The following BLNK variants were observed in gnomAD, a reference collection of about 807,000 sequenced individuals.
BLNK encodes B-cell linker protein.
In BLNK, 29 loss-of-function variants were observed where a neutral mutation model predicts 73.5. That is an observed-to-expected ratio of 0.39 (90% CI 0.29 to 0.54). BLNK has a LOEUF of 0.54. Among genes scored for constraint, BLNK ranks in the 20% least tolerant of loss-of-function variants. The probability of loss-of-function intolerance (pLI) is 0.61; values close to 1 mark genes in which losing one functional copy is unlikely to be tolerated. For missense variants in BLNK, 460 were observed against 562.8 expected, an observed-to-expected ratio of 0.82 and a Z score of 1.85; for synonymous variants, 176 against 200.8, an observed-to-expected ratio of 0.88 and a Z score of 1.04.
rs1351889753 is a variant in BLNK, at chr10:96,228,745, G to A, written c.205-1179C>T. 2.6e-5 allele frequency among the ~76,000 whole-genome samples: 4 copies of A among 152,274 alleles called. 1 individual carries two copies. In the South Asian group the frequency reaches 6.2e-4, roughly 24 times the overall value. ...TTCAGAGGTAGTTTATGTATATACC[G>A]TTTGTACATATATTCATGTGGAGGA... On this transcript the variant is annotated intron_variant, in intron 4 of 16. Transcript: ENST00000224337.
In BLNK at chr10:96,252,176, C is replaced by T. The variant is rs1452912482; in HGVS notation, c.48-5127G>A. On this transcript the variant is annotated intron_variant, in intron 1 of 16. Transcript: ENST00000224337. ...AAGCGATTCTCCTGCCTCAGCCTCC[C>T]GAGTAGCTGAGAATACAGGCACCTG... is the stretch of plus-strand genomic sequence containing the variant. Among the ~76,000 whole-genome samples, 6 of 152,128 alleles carry T rather than the reference C, an allele frequency of 3.9e-5. 1 individual carries two copies. In the East Asian group the frequency reaches 9.6e-4, roughly 24 times the overall value.
intron 8 of BLNK, among the ~76,000 whole-genome samples, chr10:96,213,703 A>G (rs1466235260): frequency 6.6e-6 from 1 of 152,172 alleles, no homozygotes; most frequent in Non-Finnish European, 1.5e-5. Context: ...TTAGTAATCT[A>G]TTTCTCTAAA....
intron 3 of BLNK, among the ~76,000 whole-genome samples, chr10:96,241,264 C>T (rs73324938): frequency 0.06 from 9,164 of 152,206 alleles, 567 homozygotes; most frequent in African/African-American, 0.16. Flanking sequence ...AGGCTGTTGC[C>T]CTGTTGAGAA....
In BLNK at chr10:96,254,380, AC is replaced by A. The variant is rs569807012; in HGVS notation, c.48-7332del. ...CACCTTTACCTGGACTCAGATTAATACAAGTCGGGCACAGTGATGCTTCCAG... is the reference window on the plus strand; with the variant it reads ...CACCTTTACCTGGACTCAGATTAATAAAGTCGGGCACAGTGATGCTTCCAG... On this transcript the variant is annotated intron_variant, in intron 1 of 16. Transcript: ENST00000224337. Among the ~76,000 whole-genome samples the A allele has an allele frequency of 2.0e-4, 31 of 152,298 alleles. No individual in the cohort carries two copies. The Middle Eastern group carries it at 0.01, about 50-fold the overall frequency.
intron 8 of BLNK, among the ~76,000 whole-genome samples, chr10:96,212,898 G>A (rs587602337): frequency 6.6e-6 from 1 of 152,300 alleles, no homozygotes; most frequent in African/African-American, 2.4e-5. Flanking sequence ...GGACTGTTTA[G>A]GCTTGTCCCT....
chr10:96,255,939 C>T (rs1443478663), intron 1 of BLNK, among the ~76,000 whole-genome samples: 1 of 152,224 alleles, frequency 6.6e-6, no homozygotes, highest in Non-Finnish European at 1.5e-5. Flanking sequence ...GGCTCAGTCA[C>T]TCAGTCTCAC....
chr10:96,266,720 A>G (rs1439313429), intron 1 of BLNK, among the ~76,000 whole-genome samples: 24 of 152,206 alleles, frequency 1.6e-4, no homozygotes, highest in South Asian at 2.1e-4. Flanking sequence ...AATCTCCACC[A>G]CTAGATGCTG....
intron 2 of BLNK, among the ~76,000 whole-genome samples, chr10:96,243,923 A>G (rs1018310031): frequency 3.9e-5 from 6 of 152,084 alleles, no homozygotes; most frequent in Admixed American, 6.5e-5. Flanking sequence ...AGTAGCCTTT[A>G]TTTACTAAAA....
At chr10:96,204,834 C>T in intron 11 of BLNK, 1 of 524,734 alleles carries the variant, frequency 1.9e-6, no homozygotes. Context: ...ACAGGTACAT[C>T]CTACCACCTC....
rs1419440613 is a variant in BLNK, at chr10:96,191,352, T to G, written c.*621A>C. Among the ~76,000 whole-genome samples, 1 of 151,846 alleles carries G rather than the reference T, an allele frequency of 6.6e-6. No homozygotes were observed. Among genetic ancestry groups the G allele is most frequent in the African/African-American group, 2.4e-5 (1 of 41,282 alleles). On this transcript the variant is annotated 3_prime_UTR_variant, in exon 17 of 17. Transcript: ENST00000224337. ...GTTTAGGTTCTATTTGATAGACATG[T>G]AGATCAAAGAGGGTATAATTATCTT...
chr10:96,215,423 A>G (rs1554899647), intron 7 of BLNK, 34 bp from the exon 8 acceptor site: 2 of 1,546,284 alleles, frequency 1.3e-6, no homozygotes, highest in Non-Finnish European at 8.8e-7. Context: ...ATATATATAT[A>G]TATATATACA....
intron 4 of BLNK, 110 bp from the exon 5 acceptor site, chr10:96,227,676 G>A: frequency 1.9e-6 from 3 of 1,550,454 alleles, no homozygotes; most frequent in Non-Finnish European, 1.8e-6. Context: ...ACAAGGCTTG[G>A]AGAGGTTGAC....
chr10:96,227,465 C>T lies in BLNK; in HGVS notation c.306G>A (p.Glu102=). ...ADDSYEPPPV[E]QETRPVHPAL... ...CTGGGTGAACCGGCCTGGTTTCCTG[C>T]TCTACTGGAGGCGGCTCGTAGCTGT... Residue 102 remains glutamate, a synonymous_variant, in exon 5 of 17, where the codon GAG becomes GAA. Transcript: ENST00000224337. 1.9e-6 allele frequency: 3 copies of T among 1,614,236 alleles called. No individual in the cohort carries two copies. The highest frequency in any genetic ancestry group is 8.5e-7 in the Non-Finnish European group (1 of 1,180,050).
At position 96,207,035 on chromosome 10, in the gene BLNK, G is replaced by A. The variant is rs1385855468; in HGVS notation, c.793C>T (p.Gln265Ter). The change falls in exon 11 of 17, where the codon CAG becomes TAG. Residue 265 changes from glutamine (Q) to a stop codon, truncating the protein, a stop_gained. Coordinates refer to ENST00000224337, the MANE Select transcript of BLNK (RefSeq NM_013314.4). LOFTEE classifies it high-confidence loss of function. ...PLKTTPVASQ[Q>*]NASSVCEEKP... ...CCTTCACAAACACTTGAAGCATTCT[G>A]TTGAGAGGCAACTGGAGTCTATGTA... 1 of 1,613,874 alleles carries A rather than the reference G, an allele frequency of 6.2e-7. No homozygotes were observed. The highest frequency in any genetic ancestry group is 8.5e-7 in the Non-Finnish European group (1 of 1,179,908).
chr10:96,223,714 G>T, intron 6 of BLNK, 112 bp downstream of exon 6: 1 of 1,272,684 alleles, frequency 7.9e-7, no homozygotes. Context: ...GTTAGAGGGG[G>T]CAGTCAATAG....
At chr10:96,249,670 G>A (rs1843197505) in intron 1 of BLNK, among the ~76,000 whole-genome samples, 1 of 152,224 alleles carries the variant, frequency 6.6e-6, no homozygotes, top group South Asian at 2.1e-4. Flanking sequence ...AGACAAACCT[G>A]AGGGATTTTC....
At chr10:96,246,873 GC>G (rs1214862080) in intron 2 of BLNK, 110 bp downstream of exon 2, 23 of 777,148 alleles carry the variant, frequency 3.0e-5, no homozygotes, top group Non-Finnish European at 4.6e-5. Context: ...AGGGTTACGT[GC>G]TAAAGAGGTA....
At position 96,191,931 on chromosome 10, in the gene BLNK, G is replaced by A; in HGVS notation, c.*42C>T. On this transcript the variant is annotated 3_prime_UTR_variant, in exon 17 of 17. Coordinates refer to ENST00000224337, the MANE Select transcript of BLNK (RefSeq NM_013314.4). ...TTTTTCTCAAAAGGAGAAACTTTGG[G>A]AAAGTGTCTGAAGCAATGGTATTGA... 2 of 1,611,958 alleles carry A rather than the reference G, an allele frequency of 1.2e-6. No individual in the cohort carries two copies. Among genetic ancestry groups the A allele is most frequent in the Non-Finnish European group, 1.7e-6 (2 of 1,178,664 alleles).
Position 96,206,997 on chromosome 10 carries a change from A to G in BLNK, c.817+14T>C. 6.2e-7 allele frequency: 1 copy of G among 1,613,134 alleles called. No individual in the cohort carries two copies. Among genetic ancestry groups the G allele is most frequent in the Non-Finnish European group, 8.5e-7 (1 of 1,179,100 alleles). On this transcript the variant is annotated intron_variant, in intron 11 of 16. Coordinates refer to ENST00000224337, the MANE Select transcript of BLNK (RefSeq NM_013314.4). ...TTAGAGGACATGCTCATCCTTCAAA[A>G]TAATAGATTTTACCTTCACAAACAC...
Sources: allele counts gnomAD v4.1 joint callset (sites outside exome capture counted in the v4.1 genomes callset), GRCh38; gene constraint gnomAD v4.1.1; transcripts MANE v1.5; gene names NCBI Gene and HGNC (gene_info 2026-07-23, HGNC 2026-07-21).